Variants in BRAF observed in about 807,000 individuals in gnomAD.
The protein encoded by BRAF is B-Raf proto-oncogene, serine/threonine kinase.
In BRAF, 16 loss-of-function variants were observed where a neutral mutation model predicts 104.6. That is an observed-to-expected ratio of 0.15 (90% CI 0.10 to 0.23). The LOEUF (loss-of-function observed/expected upper bound fraction) is 0.23, where lower values mean the gene tolerates loss of function less well. BRAF is among the 10% of genes least tolerant of loss of function. The pLI, the probability that BRAF is intolerant of heterozygous loss-of-function variation, is 1.00. For missense variants in BRAF, 541 were observed against 937.3 expected (o/e 0.58, Z 5.52); for synonymous variants, 310 against 341.6 (o/e 0.91, Z 1.02).
At chr7:140,769,793 TC>T (rs1562951067) in intron 14 of BRAF, among the ~76,000 whole-genome samples, 1 of 152,188 alleles carries the variant, frequency 6.6e-6, no homozygotes, top group Non-Finnish European at 1.5e-5. Context: ...CAGGCTGGTC[TC>T]AAACTCCCGG....
At chr7:140,900,772 A>G (rs764848506) in intron 1 of BRAF, among the ~76,000 whole-genome samples, 5 of 152,230 alleles carry the variant, frequency 3.3e-5, no homozygotes, top group East Asian at 1.9e-4. Context: ...CATCACAGCC[A>G]GCTAATTTTG....
intron 3 of BRAF, among the ~76,000 whole-genome samples, chr7:140,812,446 T>C (rs1804385031): frequency 6.6e-6 from 1 of 152,200 alleles, no homozygotes; most frequent in Non-Finnish European, 1.5e-5. Flanking sequence ...TGGAGCTATC[T>C]ATCCTTCAGC....
chr7:140,819,467 C>T (rs2129053615), intron 3 of BRAF, among the ~76,000 whole-genome samples: 1 of 152,278 alleles, frequency 6.6e-6, no homozygotes, highest in South Asian at 2.1e-4. Context: ...AAACATTCTG[C>T]CAGTCTCTTA....
At chr7:140,922,349 T>C (rs953027280) in intron 1 of BRAF, among the ~76,000 whole-genome samples, 1 of 152,188 alleles carries the variant, frequency 6.6e-6, no homozygotes, top group Non-Finnish European at 1.5e-5. Flanking sequence ...CAGAAATCCA[T>C]GGCCCTCGCT....
chr7:140,824,515 G>A (rs1010322072), intron 3 of BRAF: 1 of 152,048 alleles, frequency 6.6e-6, no homozygotes, highest in Non-Finnish European at 1.5e-5. Context: ...ACTTAGTTTT[G>A]ATTACTCTAA....
chr7:140,756,733 CA>C (rs1259506552), intron 14 of BRAF, among the ~76,000 whole-genome samples: 4 of 152,162 alleles, frequency 2.6e-5, no homozygotes, highest in Non-Finnish European at 4.4e-5. Flanking sequence ...TACAGTTTTA[CA>C]GAAGTACTAG....
chr7:140,834,748 G>T lies in BRAF; in HGVS notation c.365C>A (p.Ser122Tyr), dbSNP rs397507462. 3.1e-6 allele frequency: 5 copies of T among 1,614,068 alleles called. No homozygotes were observed. Among genetic ancestry groups the T allele is most frequent in the Non-Finnish European group, 4.2e-6 (5 of 1,180,026 alleles). ...CACTGAAAGGCTAGAAGAGGAAGAA[G>T]ATGTAACGGTATCCATTGATGCAGA... ...SSSASMDTVT[S>Y]SSSSSLSVLP... Residue 122 changes from serine (S) to tyrosine (Y), a missense_variant, in exon 3 of 20, where the codon TCT (serine) becomes TAT (tyrosine). Around this residue, in one of 10 missense-constraint regions of BRAF, gnomAD observed 86 missense variants for 133.9 expected, o/e 0.64. Transcript: ENST00000644969.
chr7:140,787,448 T>A, intron 9 of BRAF, 100 bp downstream of exon 9: 1 of 1,291,958 alleles, frequency 7.7e-7, no homozygotes, highest in Admixed American at 1.9e-5. Flanking sequence ...CACATTTTTC[T>A]CTGTGTCTGT....
rs1276648324 is a variant in BRAF at position 140,753,260 on chromosome 7, A to T, written c.1980+15T>A. 1.3e-6 allele frequency: 2 copies of T among 1,579,676 alleles called. No individual in the cohort carries two copies. Among genetic ancestry groups the T allele is most frequent in the Non-Finnish European group, 1.7e-6 (2 of 1,149,946 alleles). On this transcript the variant is annotated intron_variant, in intron 16 of 19. Transcript: ENST00000644969. ...CCAAAAATTTAATCAGTGGAAAAAT[A>T]GCCTCAATTCTTACCATCCACAAAA...
At chr7:140,801,334 T>C in intron 6 of BRAF, 78 bp downstream of exon 6, 1 of 1,523,508 alleles carries the variant, frequency 6.6e-7, no homozygotes, top group East Asian at 2.3e-5. Flanking sequence ...TCACAGACTT[T>C]TAGACATCGT....
chr7:140,920,099 T>A (rs1170810626), intron 1 of BRAF, among the ~76,000 whole-genome samples: 1 of 152,106 alleles, frequency 6.6e-6, no homozygotes, highest in Non-Finnish European at 1.5e-5. Flanking sequence ...TAACTTCTGA[T>A]GAAGACAAAA....
At chr7:140,758,479 G>C (rs945436451) in intron 14 of BRAF, among the ~76,000 whole-genome samples, 7 of 151,676 alleles carry the variant, frequency 4.6e-5, no homozygotes, top group African/African-American at 1.7e-4. Flanking sequence ...TTTGGAGACA[G>C]GGTGTTGCTC....
At chr7:140,907,904 G>GTGGCTAA (rs902669564) in intron 1 of BRAF, among the ~76,000 whole-genome samples, 15 of 152,130 alleles carry the variant, frequency 9.9e-5, no homozygotes, top group Middle Eastern at 3.4e-3. Flanking sequence ...CTCACCACAC[G>GTGGCTAA]TGGCTAATCT....
chr7:140,900,605 C>T lies in BRAF; in HGVS notation c.138+23961G>A, dbSNP rs1211470911. 2.0e-5 allele frequency among the ~76,000 whole-genome samples: 3 copies of T among 152,100 alleles called. No homozygotes were observed. The East Asian group carries it at 5.8e-4, about 29-fold the overall frequency. Reference sequence around the variant, plus strand: ...ATTCATCTCCTCTTTCTGTTGTTTTCTGTTTGCTTGTTTGTTTGTTTTTAA... The same window carrying T: ...ATTCATCTCCTCTTTCTGTTGTTTTTTGTTTGCTTGTTTGTTTGTTTTTAA... On this transcript the variant is annotated intron_variant, in intron 1 of 19. Transcript: ENST00000644969.
intron 1 of BRAF, among the ~76,000 whole-genome samples, chr7:140,917,821 AAAG>A (rs962638422): frequency 6.6e-6 from 1 of 152,188 alleles, no homozygotes; most frequent in African/African-American, 2.4e-5. Flanking sequence ...AAAAAAATCA[AAAG>A]AAGATTTTCA....
intron 2 of BRAF, among the ~76,000 whole-genome samples, chr7:140,846,045 C>A (rs1365285053): frequency 1.3e-5 from 2 of 151,874 alleles, no homozygotes; most frequent in African/African-American, 4.8e-5. Flanking sequence ...AATTAGAACC[C>A]CATGCGATGC....
intron 1 of BRAF, among the ~76,000 whole-genome samples, chr7:140,881,093 G>T (rs540793573): frequency 7.6e-4 from 116 of 152,230 alleles, no homozygotes; most frequent in Admixed American, 1.8e-3. Context: ...TTTCTTCTGA[G>T]CAGGGGGTCT....
chr7:140,799,515 C>T, intron 7 of BRAF: 1 of 232,420 alleles, frequency 4.3e-6, no homozygotes, highest in South Asian at 1.8e-4. Flanking sequence ...AACCTTTCTT[C>T]ACTAGCTTCT....
chr7:140,843,406 T>C (rs1160763419), intron 2 of BRAF, among the ~76,000 whole-genome samples: 1 of 151,838 alleles, frequency 6.6e-6, no homozygotes, highest in Non-Finnish European at 1.5e-5. Context: ...GTAGAACTAG[T>C]CTTACAATAA....
Sources: gnomAD v4.1 joint callset for allele counts (sites outside exome capture counted in the v4.1 genomes callset) on GRCh38, gnomAD v4.1.1 for gene constraint, gnomAD v4.1.1 regional missense constraint, MANE v1.5 for transcripts, NCBI Gene and HGNC (gene_info 2026-07-23, HGNC 2026-07-21) for gene names.